The following SLC8A1 variants were observed in gnomAD, a reference collection of about 807,000 sequenced individuals.
SLC8A1 encodes solute carrier family 8 member A1.
SLC8A1 carries 18 observed loss-of-function variants against 68.3 expected under a neutral mutation model. The ratio of observed to expected loss-of-function variants is 0.26; its 90% confidence interval spans 0.18 to 0.39. The LOEUF (loss-of-function observed/expected upper bound fraction) is 0.39. Ranked by LOEUF, SLC8A1 falls within the 10% of genes least tolerant of loss-of-function variation. SLC8A1 has a pLI of 1.00. For synonymous variants in SLC8A1, 475 were observed against 415.5 expected (o/e 1.14, Z -1.74); for missense variants, 985 against 1,156.7 (o/e 0.85, Z 2.15).
intron 2 of SLC8A1, among the ~76,000 whole-genome samples, chr2:40,212,162 G>GAGAC: frequency 6.6e-6 from 1 of 151,682 alleles, no homozygotes; most frequent in South Asian, 2.1e-4. Flanking sequence ...CCCAGAGAGA[G>GAGAC]AGACAGAGAA....
chr2:40,463,839 T>TACACACACACACACACAC (rs761954909), intron 1 of SLC8A1, among the ~76,000 whole-genome samples: 5 of 123,318 alleles, frequency 4.1e-5, no homozygotes, highest in Admixed American at 8.3e-5. Flanking sequence ...CACACACACA[T>TACACACACACACACACAC]ACACACACAC....
chr2:40,323,468 C>T (rs920319055), intron 2 of SLC8A1, among the ~76,000 whole-genome samples: 1 of 152,124 alleles, frequency 6.6e-6, no homozygotes, highest in Non-Finnish European at 1.5e-5. Flanking sequence ...ATCTATTCAA[C>T]ATAAAACAAA....
At chr2:40,121,342 C>T (rs1035208789) in intron 7 of SLC8A1, among the ~76,000 whole-genome samples, 1 of 152,034 alleles carries the variant, frequency 6.6e-6, no homozygotes, top group African/African-American at 2.4e-5. Flanking sequence ...GGCCTTCCTG[C>T]GAGTAATAGA....
intron 2 of SLC8A1, among the ~76,000 whole-genome samples, chr2:40,372,257 G>T (rs1678339073): frequency 6.6e-6 from 1 of 152,004 alleles, no homozygotes; most frequent in African/African-American, 2.4e-5. Flanking sequence ...GGAAGAAAAA[G>T]AAAAGAAGAG....
intron 1 of SLC8A1, among the ~76,000 whole-genome samples, chr2:40,477,107 A>G (rs978140689): frequency 2.0e-5 from 3 of 152,232 alleles, no homozygotes; most frequent in Non-Finnish European, 2.9e-5. Context: ...TTATTTGTCA[A>G]GTTAAATGTT....
intron 1 of SLC8A1, among the ~76,000 whole-genome samples, chr2:40,476,882 T>C (rs552513108): frequency 6.6e-5 from 10 of 152,196 alleles, no homozygotes; most frequent in Non-Finnish European, 1.0e-4. Flanking sequence ...CAACTTTCAA[T>C]AGTGAGTCTT....
intron 2 of SLC8A1, among the ~76,000 whole-genome samples, chr2:40,334,087 C>T (rs141685441): frequency 1.9e-4 from 29 of 152,244 alleles, no homozygotes; most frequent in African/African-American, 6.5e-4. Context: ...TATGCATTAT[C>T]ATGTATATCC....
At chr2:40,212,281 ATCTT>A (rs1171084028) in intron 2 of SLC8A1, among the ~76,000 whole-genome samples, 7 of 118,212 alleles carry the variant, frequency 5.9e-5, no homozygotes, top group East Asian at 2.2e-4. Flanking sequence ...GAGATGCAAT[ATCTT>A]TTTTTTTTTT....
At chr2:40,458,477 G>T (rs1176770929) in intron 1 of SLC8A1, among the ~76,000 whole-genome samples, 4 of 144,080 alleles carry the variant, frequency 2.8e-5, no homozygotes, top group Non-Finnish European at 1.5e-5. Context: ...ATGGAAAGAA[G>T]GATTCCGGTG....
chr2:40,254,180 A>C (rs1367939869), intron 2 of SLC8A1, among the ~76,000 whole-genome samples: 1 of 147,796 alleles, frequency 6.8e-6, no homozygotes, highest in Non-Finnish European at 1.5e-5. Flanking sequence ...CAAAAAATTA[A>C]TATAAAAAAA....
At chr2:40,350,620 A>C (rs866545717) in intron 2 of SLC8A1, among the ~76,000 whole-genome samples, 1 of 128,438 alleles carries the variant, frequency 7.8e-6, no homozygotes, top group Non-Finnish European at 1.6e-5. Context: ...AAAAAAAAAA[A>C]GGCATTTCCA....
intron 2 of SLC8A1, among the ~76,000 whole-genome samples, chr2:40,252,275 C>A (rs1396939115): frequency 6.6e-6 from 1 of 151,980 alleles, no homozygotes; most frequent in Non-Finnish European, 1.5e-5. Flanking sequence ...AAATATAAAG[C>A]AGCTCTTTCT....
intron 7 of SLC8A1, among the ~76,000 whole-genome samples, chr2:40,134,178 G>A (rs1054747458): frequency 1.3e-5 from 2 of 151,526 alleles, no homozygotes; most frequent in South Asian, 2.1e-4. Context: ...TGCAACCTCC[G>A]CCTCCCGGGT....
At chr2:40,438,586 AG>A (rs1699900172) in intron 1 of SLC8A1, among the ~76,000 whole-genome samples, 1 of 152,176 alleles carries the variant, frequency 6.6e-6, no homozygotes, top group South Asian at 2.1e-4. Flanking sequence ...CATTAATACT[AG>A]GAAGAATTGA....
intron 6 of SLC8A1, among the ~76,000 whole-genome samples, chr2:40,156,053 T>C (rs934685872): frequency 6.6e-6 from 1 of 152,216 alleles, no homozygotes; most frequent in East Asian, 1.9e-4. Context: ...CCCTTCCTTC[T>C]AGAAGAACAG....
At chr2:40,412,202 G>T (rs1692355404) in intron 2 of SLC8A1, among the ~76,000 whole-genome samples, 2 of 152,118 alleles carry the variant, frequency 1.3e-5, no homozygotes, top group South Asian at 4.2e-4. Flanking sequence ...TTAATGTCAA[G>T]GAGAAAGTGA....
intron 2 of SLC8A1, among the ~76,000 whole-genome samples, chr2:40,361,729 G>C (rs1005176490): frequency 2.0e-5 from 3 of 151,796 alleles, no homozygotes; most frequent in Non-Finnish European, 4.4e-5. Context: ...GCCCTATATG[G>C]TAAGTGGCCA....
At chr2:40,399,289 T>C (rs1477785830) in intron 2 of SLC8A1, among the ~76,000 whole-genome samples, 1 of 152,146 alleles carries the variant, frequency 6.6e-6, no homozygotes, top group Non-Finnish European at 1.5e-5. Context: ...TGACACTGTT[T>C]TGTGAGGGCC....
intron 2 of SLC8A1, among the ~76,000 whole-genome samples, chr2:40,243,090 C>T (rs867815097): frequency 2.6e-5 from 4 of 152,194 alleles, no homozygotes; most frequent in Admixed American, 2.0e-4. Context: ...ATTGAAGGCT[C>T]ATTTCATTGC....
Sources: allele counts gnomAD v4.1 joint callset (sites outside exome capture counted in the v4.1 genomes callset), GRCh38; gene constraint gnomAD v4.1.1; transcripts MANE v1.5; gene names NCBI Gene and HGNC (gene_info 2026-07-23, HGNC 2026-07-21).